Variants in CNBD1 observed in about 807,000 individuals in gnomAD.
CNBD1 encodes the protein cyclic nucleotide binding domain containing 1.
Under a neutral mutation model 54.4 loss-of-function variants are expected in CNBD1, and 71 were observed. That is an observed-to-expected ratio of 1.30 (90% CI 1.08 to 1.59). CNBD1 has a LOEUF of 1.59. Among genes scored for constraint, CNBD1 ranks in the 40% most tolerant of loss-of-function variants. The pLI, the probability that CNBD1 is intolerant of heterozygous loss-of-function variation, is 0.00. For synonymous variants in CNBD1, 182 were observed against 170.7 expected (o/e 1.07, Z -0.51); for missense variants, 659 against 518.0 (o/e 1.27, Z -2.64).
rs1351307733 is a variant in CNBD1, at chr8:87,182,330, T to C, written c.432-23663T>C. On this transcript the variant is annotated intron_variant, in intron 4 of 10. Transcript: ENST00000518476. This position sits in a 1 kb window ranked among gnomAD's most constrained non-coding sequence, Gnocchi z 4.1. Reference sequence around the variant, plus strand: ...ATTTAGGTTGATTCCATGTCTTTGCTACTGTAAACAGCACTGTGATAGACA... The same window carrying C: ...ATTTAGGTTGATTCCATGTCTTTGCCACTGTAAACAGCACTGTGATAGACA... 2.0e-5 allele frequency among the ~76,000 whole-genome samples: 3 copies of C among 151,508 alleles called. No homozygotes were observed. The highest frequency in any genetic ancestry group is 4.4e-5 in the Non-Finnish European group (3 of 67,648).
intron 2 of CNBD1, among the ~76,000 whole-genome samples, chr8:87,390,250 GA>G (rs1211708061): frequency 6.6e-6 from 1 of 152,126 alleles, no homozygotes; most frequent in Non-Finnish European, 1.5e-5. Context: ...TGACAAATGG[GA>G]TCTAAGTAAA....
intron 5 of CNBD1, among the ~76,000 whole-genome samples, chr8:87,224,518 G>C (rs1480173773): frequency 3.3e-5 from 5 of 151,202 alleles, no homozygotes; most frequent in East Asian, 1.9e-4. Flanking sequence ...CCCATTGCTT[G>C]TTTTTCTCAG....
chr8:87,414,045 T>G (rs960610943), intron 2 of CNBD1, among the ~76,000 whole-genome samples: 4 of 152,146 alleles, frequency 2.6e-5, no homozygotes, highest in African/African-American at 7.2e-5. Context: ...GGATTATAAA[T>G]CATGATACTA....
rs1014289482 is a variant in CNBD1, at chr8:86,941,089, G to A, written c.431+1335G>A. 3.3e-5 allele frequency among the ~76,000 whole-genome samples: 5 copies of A among 152,104 alleles called. 1 individual carries two copies. The highest frequency in any genetic ancestry group is 5.9e-5 in the Non-Finnish European group (4 of 68,016). On this transcript the variant is annotated intron_variant, in intron 4 of 10. Transcript: ENST00000518476. ...CACATGACTATGATTGCAAATTTGA[G>A]GAAATATGATCAGAGCTTCCAGAAA...
intron 4 of CNBD1, among the ~76,000 whole-genome samples, chr8:87,152,161 G>A (rs1812617919): frequency 6.6e-6 from 1 of 151,966 alleles, no homozygotes; most frequent in African/African-American, 2.4e-5. Flanking sequence ...AAACCTGTAA[G>A]TTACACCCAG....
chr8:87,211,422 C>T (rs1183222761), intron 5 of CNBD1, among the ~76,000 whole-genome samples: 1 of 151,760 alleles, frequency 6.6e-6, no homozygotes, highest in Non-Finnish European at 1.5e-5. Flanking sequence ...GATTTGGGGG[C>T]CAGGGGCAGA....
intron 2 of CNBD1, among the ~76,000 whole-genome samples, chr8:87,417,687 A>G (rs1253789766): frequency 6.6e-5 from 10 of 151,964 alleles, no homozygotes; most frequent in Non-Finnish European, 1.3e-4. Flanking sequence ...TTGTATTTCT[A>G]TACACTAGCA....
At chr8:87,069,576 A>G (rs1271988350) in intron 4 of CNBD1, among the ~76,000 whole-genome samples, 2 of 152,076 alleles carry the variant, frequency 1.3e-5, no homozygotes, top group African/African-American at 2.4e-5. Flanking sequence ...AGGATATTCT[A>G]TGATGTTCAC....
intron 4 of CNBD1, among the ~76,000 whole-genome samples, chr8:87,062,829 T>C (rs1421675932): frequency 1.3e-5 from 2 of 152,270 alleles, no homozygotes; most frequent in East Asian, 3.9e-4. Flanking sequence ...TAAAAGTATA[T>C]TGAAATTCCG....
At chr8:87,375,447 A>T (rs959501945) in intron 10 of CNBD1, among the ~76,000 whole-genome samples, 1 of 151,854 alleles carries the variant, frequency 6.6e-6, no homozygotes, top group Non-Finnish European at 1.5e-5. Context: ...TAATAGAACA[A>T]GGCTTAGAAA....
intron 10 of CNBD1, among the ~76,000 whole-genome samples, chr8:87,375,457 A>G (rs1258214405): frequency 2.6e-5 from 4 of 151,878 alleles, no homozygotes; most frequent in African/African-American, 9.7e-5. Flanking sequence ...AGGCTTAGAA[A>G]TATCTGTAGA....
At chr8:87,352,238 T>C (rs1344501076) in intron 9 of CNBD1, among the ~76,000 whole-genome samples, 1 of 152,116 alleles carries the variant, frequency 6.6e-6, no homozygotes, top group East Asian at 1.9e-4. Flanking sequence ...CCCAGCACTT[T>C]GAGAGGCCGA....
intron 1 of CNBD1, among the ~76,000 whole-genome samples, chr8:86,874,609 T>C (rs1365611846): frequency 6.6e-6 from 1 of 152,152 alleles, no homozygotes; most frequent in East Asian, 1.9e-4. Context: ...CATTGACCGT[T>C]CTTTATTTGG....
At chr8:87,299,106 C>T (rs756735206) in intron 8 of CNBD1, among the ~76,000 whole-genome samples, 6 of 152,174 alleles carry the variant, frequency 3.9e-5, no homozygotes, top group Non-Finnish European at 8.8e-5. Flanking sequence ...AAGTCTGAAG[C>T]AACTGCCTGT....
At chr8:87,295,642 T>C (rs1287417396) in intron 8 of CNBD1, among the ~76,000 whole-genome samples, 1 of 152,202 alleles carries the variant, frequency 6.6e-6, no homozygotes, top group East Asian at 1.9e-4. Flanking sequence ...CTCTTTCTAC[T>C]TCTCACAAAT....
In CNBD1 at chr8:87,351,058, G is replaced by A. The variant is rs138454189; in HGVS notation, c.1043-627G>A. On this transcript the variant is annotated intron_variant, in intron 8 of 10. Transcript: ENST00000518476. ...ATGCTAAATACTTTATATGCCCCATGTGGTTTATATAAGGCTTAAAGTAAG... is the reference window on the plus strand; with the variant it reads ...ATGCTAAATACTTTATATGCCCCATATGGTTTATATAAGGCTTAAAGTAAG... 2.5e-3 allele frequency among the ~76,000 whole-genome samples: 375 copies of A among 152,212 alleles called. 4 individuals carry two copies. Among genetic ancestry groups the A allele is most frequent in the African/African-American group, 8.2e-3 (340 of 41,546 alleles).
At chr8:87,176,035 G>A (rs760556171) in intron 4 of CNBD1, among the ~76,000 whole-genome samples, 1 of 152,196 alleles carries the variant, frequency 6.6e-6, no homozygotes, top group Non-Finnish European at 1.5e-5. Context: ...CACAATCACT[G>A]CACTGTACCT....
chr8:86,982,676 G>A (rs1489264678), intron 4 of CNBD1, among the ~76,000 whole-genome samples: 2 of 152,130 alleles, frequency 1.3e-5, no homozygotes. Context: ...ATAACATTTT[G>A]TCATGATTAC....
intron 10 of CNBD1, among the ~76,000 whole-genome samples, chr8:87,357,172 A>G (rs1810436165): frequency 6.6e-6 from 1 of 152,224 alleles, no homozygotes; most frequent in Admixed American, 6.5e-5. Flanking sequence ...GGCCCCACAG[A>G]GAGCCTCTAT....
Sources: allele counts gnomAD v4.1 joint callset (sites outside exome capture counted in the v4.1 genomes callset), GRCh38; gene constraint gnomAD v4.1.1; non-coding constraint Gnocchi (gnomAD v3.1); transcripts MANE v1.5; gene names NCBI Gene and HGNC (gene_info 2026-07-23, HGNC 2026-07-21).